YLPM1: variants seen among roughly 807,000 people sequenced by gnomAD.
The protein encoded by YLPM1 is YLP motif-containing protein 1.
In YLPM1, 99 loss-of-function variants were observed where a neutral mutation model predicts 230.0. The ratio of observed to expected loss-of-function variants is 0.43; its 90% CI spans 0.37 to 0.51. YLPM1 has a LOEUF of 0.51. YLPM1 is among the 20% of genes least tolerant of loss of function. The pLI, the probability that YLPM1 is intolerant of heterozygous loss-of-function variation, is 0.00. For missense variants in YLPM1, 2,592 were observed against 2,707.7 expected, an observed-to-expected ratio of 0.96 and a Z score of 0.95; for synonymous variants, 984 against 942.5, an observed-to-expected ratio of 1.04 and a Z score of -0.81.
chr14:74,806,577 C>G (rs2091380522), intron 6 of YLPM1, among the ~76,000 whole-genome samples: 1 of 152,076 alleles, frequency 6.6e-6, no homozygotes, highest in African/African-American at 2.4e-5. Context: ...GAGTGAGACT[C>G]TGTCTCAAAA....
intron 1 of YLPM1, among the ~76,000 whole-genome samples, chr14:74,772,978 A>G (rs969939672): frequency 5.3e-5 from 8 of 152,196 alleles, no homozygotes; most frequent in African/African-American, 1.9e-4. Context: ...TATAGGGTTC[A>G]TATTAAATAG....
chr14:74,777,591 C>G (rs1358291705), intron 1 of YLPM1, among the ~76,000 whole-genome samples: 1 of 151,642 alleles, frequency 6.6e-6, no homozygotes, highest in Non-Finnish European at 1.5e-5. Context: ...AAATAAAACA[C>G]AGCATATTCT....
intron 4 of YLPM1, among the ~76,000 whole-genome samples, chr14:74,788,759 C>T (rs1360332894): frequency 6.6e-6 from 1 of 152,058 alleles, no homozygotes; most frequent in Non-Finnish European, 1.5e-5. Flanking sequence ...GGGAGGATCG[C>T]TTGAGCCTGG....
Position 74,794,461 on chromosome 14 carries a change from C to T in YLPM1, c.2283-3119C>T, listed in dbSNP as rs556970969. ...CGTCCCAAAGTGCTGGGATTACAGGCGTGAGCCACCGTGCCTGGCAGTCTT... is the reference window on the plus strand; with the variant it reads ...CGTCCCAAAGTGCTGGGATTACAGGTGTGAGCCACCGTGCCTGGCAGTCTT... On this transcript the variant is annotated intron_variant, in intron 4 of 20. Transcript: ENST00000325680. Among the ~76,000 whole-genome samples, 12 of 152,326 alleles carry T rather than the reference C, an allele frequency of 7.9e-5. No individual in the cohort carries two copies. The South Asian group carries it at 2.1e-3, about 26-fold the overall frequency.
At chr14:74,821,299 TC>T in intron 17 of YLPM1, 162 bp downstream of exon 17, 1 of 1,095,242 alleles carries the variant, frequency 9.1e-7, no homozygotes, top group Non-Finnish European at 1.2e-6. Context: ...TCTTTATTTT[TC>T]CCCAGACCAA....
chr14:74,810,543 G>T (rs577803921), intron 9 of YLPM1, 123 bp downstream of exon 9: 4 of 1,046,298 alleles, frequency 3.8e-6, no homozygotes, highest in African/African-American at 1.6e-5. Flanking sequence ...TTTGGAGGGG[G>T]AAGAACAATT....
At chr14:74,779,560 A>G (rs1455551737) in intron 2 of YLPM1, among the ~76,000 whole-genome samples, 1 of 152,046 alleles carries the variant, frequency 6.6e-6, no homozygotes, top group Admixed American at 6.6e-5. Flanking sequence ...CATGATGGTT[A>G]TATTGTAGTC....
At chr14:74,781,230 T>C in intron 3 of YLPM1, 104 bp from the exon 4 acceptor site, 1 of 1,293,946 alleles carries the variant, frequency 7.7e-7, no homozygotes, top group Middle Eastern at 2.8e-4. Context: ...TTTAGTGTTC[T>C]AATTTCCTAA....
intron 6 of YLPM1, among the ~76,000 whole-genome samples, chr14:74,804,869 A>G (rs1056133193): frequency 1.3e-5 from 2 of 152,128 alleles, no homozygotes; most frequent in Non-Finnish European, 2.9e-5. Context: ...CCATATTGTT[A>G]TATGCTATAT....
chr14:74,797,834 A>G lies in YLPM1; in HGVS notation c.2537A>G (p.Gln846Arg). Residue 846 changes from glutamine (Q) to arginine (R), a missense_variant, in exon 5 of 21, where the codon CAG (glutamine) becomes CGG (arginine). This residue lies in a region of YLPM1 where 1,862 missense variants were observed against 1,819.8 expected (regional missense o/e 1.02). Coordinates refer to ENST00000325680, the MANE Select transcript of YLPM1 (RefSeq NM_019589.3). ...QWKGPKPAFG[Q>R]QHQQQPKSQA... ...AAAGGCCCCAAACCAGCTTTTGGAC[A>G]GCAGCATCAGCAGCAACCTAAGTCA... 6.2e-7 allele frequency: 1 copy of G among 1,614,010 alleles called. No individual in the cohort carries two copies. The highest frequency in any genetic ancestry group is 8.5e-7 in the Non-Finnish European group (1 of 1,179,902).
chr14:74,808,086 G>T (rs989916323), intron 6 of YLPM1, among the ~76,000 whole-genome samples: 8 of 152,158 alleles, frequency 5.3e-5, no homozygotes, highest in African/African-American at 1.9e-4. Context: ...CCCTAATTTG[G>T]AGTATGGAAA....
At chr14:74,812,592 A>G (rs1488281943) in intron 10 of YLPM1, 36 bp from the exon 11 acceptor site, 3 of 1,590,534 alleles carry the variant, frequency 1.9e-6, no homozygotes, top group Admixed American at 3.5e-5. Context: ...TAATTACTCT[A>G]CAAATAGTAA....
rs755370208 is a variant in YLPM1 at position 74,799,632 on chromosome 14, A to G, written c.4335A>G (p.Val1445=). 1.3e-5 allele frequency: 21 copies of G among 1,613,846 alleles called. No homozygotes were observed. The highest frequency in any genetic ancestry group is 1.7e-5 in the Non-Finnish European group (20 of 1,179,884). The change falls in exon 5 of 21, where the codon GTA becomes GTG. Residue 1445 remains valine (V), a synonymous_variant. Transcript: ENST00000325680. The part of the protein sequence containing the change: ...SLDSDQGLGG[V]MVLSQRQHEI... ...ACTCTGACCAAGGCCTTGGAGGGGT[A>G]ATGGTTCTCAGTCAGAGGCAGCATG... is the stretch of plus-strand genomic sequence containing the variant.
intron 19 of YLPM1, among the ~76,000 whole-genome samples, chr14:74,831,839 T>G (rs2091610553): frequency 6.6e-6 from 1 of 152,248 alleles, no homozygotes; most frequent in Admixed American, 6.5e-5. Context: ...TTCTTGGGAT[T>G]AACTTCCTCT....
At chr14:74,775,119 C>T (rs1051579021) in intron 1 of YLPM1, among the ~76,000 whole-genome samples, 2 of 152,146 alleles carry the variant, frequency 1.3e-5, no homozygotes, top group Non-Finnish European at 2.9e-5. Flanking sequence ...AAAATCCAGT[C>T]ATGGGTTAAA....
At chr14:74,803,413 G>GCTCTACTGAAC (rs1192707906) in intron 6 of YLPM1, among the ~76,000 whole-genome samples, 2 of 152,174 alleles carry the variant, frequency 1.3e-5, no homozygotes, top group Non-Finnish European at 2.9e-5. Flanking sequence ...GAAGAAAACA[G>GCTCTACTGAAC]CTCTACTGAA....
Position 74,798,705 on chromosome 14 carries a change from C to T in YLPM1, c.3408C>T (p.Pro1136=), listed in dbSNP as rs781020930. 1 of 1,611,832 alleles carries T rather than the reference C, an allele frequency of 6.2e-7. No homozygotes were observed. Among genetic ancestry groups the T allele is most frequent in the South Asian group, 1.1e-5 (1 of 90,876 alleles). Residue 1136 remains proline (P), a synonymous_variant, in exon 5 of 21, where the codon CCC becomes CCT. Transcript: ENST00000325680. ...CTGGGAGTAGAGAGAGAATACCACC[C>T]CGAAGAGCTGGGAGCAGGGAGAGAG... The part of the protein sequence containing the change: ...RRAGSRERIP[P]RRAGSRERGP...
intron 12 of YLPM1, 140 bp from the exon 13 acceptor site, chr14:74,816,431 C>T: frequency 1.6e-6 from 2 of 1,270,864 alleles, no homozygotes; most frequent in South Asian, 1.6e-5. Context: ...TTTTTATCTA[C>T]TCAGAGAAAC....
intron 6 of YLPM1, among the ~76,000 whole-genome samples, chr14:74,804,344 T>A (rs1410385332): frequency 4.6e-5 from 7 of 152,198 alleles, no homozygotes; most frequent in African/African-American, 1.7e-4. Flanking sequence ...TCCCATGCCT[T>A]CAGGATGAAA....
Sources: gnomAD v4.1 joint callset for allele counts (sites outside exome capture counted in the v4.1 genomes callset) on GRCh38, gnomAD v4.1.1 for gene constraint, gnomAD v4.1.1 regional missense constraint, MANE v1.5 for transcripts, NCBI Gene and HGNC (gene_info 2026-07-23, HGNC 2026-07-21) for gene names.